The following PRIM2 variants were observed in gnomAD, a reference collection of about 807,000 sequenced individuals.
The protein encoded by PRIM2 is DNA primase large subunit.
A neutral mutation model predicts 67.3 loss-of-function variants in PRIM2; 39 were observed. That is an observed-to-expected ratio of 0.58 (90% CI 0.45 to 0.76). PRIM2 has a LOEUF of 0.76. Ranked by LOEUF, PRIM2 falls within the 30% of genes least tolerant of loss-of-function variation. PRIM2 has a pLI of 0.00. For missense variants in PRIM2, 398 were observed against 598.7 expected (o/e 0.66, Z 3.50); for synonymous variants, 143 against 198.7 (o/e 0.72, Z 2.36).
intron 7 of PRIM2, among the ~76,000 whole-genome samples, chr6:57,467,843 C>T (rs1247351314): frequency 6.6e-6 from 1 of 152,176 alleles, no homozygotes; most frequent in Non-Finnish European, 1.5e-5. Flanking sequence ...AGGTCCTTCA[C>T]ATTCCCTTGG....
chr6:57,244,335 GTC>G, the PRIM2 span, among the ~76,000 whole-genome samples: 1 of 152,142 alleles, frequency 6.6e-6, no homozygotes, highest in Non-Finnish European at 1.5e-5. Context: ...CTGGAATAAA[GTC>G]TCTTTCTTCC....
At chr6:57,284,422 T>TA in the PRIM2 span, among the ~76,000 whole-genome samples, 1 of 152,216 alleles carries the variant, frequency 6.6e-6, no homozygotes. Flanking sequence ...GTTCTGATCT[T>TA]AAACAGTTTT....
intron 12 of PRIM2, among the ~76,000 whole-genome samples, chr6:57,630,434 A>G (rs1288909204): frequency 6.6e-6 from 1 of 152,004 alleles, no homozygotes; most frequent in Non-Finnish European, 1.5e-5. Context: ...TTTGCAATAC[A>G]TCTGTTTTTC....
At chr6:57,251,606 T>A in the PRIM2 span, among the ~76,000 whole-genome samples, 1 of 152,326 alleles carries the variant, frequency 6.6e-6, no homozygotes, top group East Asian at 1.9e-4. Flanking sequence ...GTTATGTACA[T>A]CAAACATGGG....
At chr6:57,530,742 A>G (rs1311148025) in intron 8 of PRIM2, among the ~76,000 whole-genome samples, 8 of 149,738 alleles carry the variant, frequency 5.3e-5, no homozygotes, top group Admixed American at 5.3e-4. Flanking sequence ...ACAAGGTCTT[A>G]CTCTGTCACC....
intron 5 of PRIM2, among the ~76,000 whole-genome samples, chr6:57,378,978 G>A (rs1769867405): frequency 7.6e-6 from 1 of 131,446 alleles, no homozygotes; most frequent in Non-Finnish European, 1.6e-5. Flanking sequence ...TTTTATTTGT[G>A]TGCTTGTCCT....
the PRIM2 span, among the ~76,000 whole-genome samples, chr6:57,288,792 C>T: frequency 6.6e-6 from 1 of 152,208 alleles, no homozygotes; most frequent in Non-Finnish European, 1.5e-5. Flanking sequence ...AAAACCCCAT[C>T]TGTAGGTTAC....
At chr6:57,350,741 A>G (rs2127300586) in intron 5 of PRIM2, among the ~76,000 whole-genome samples, 1 of 152,212 alleles carries the variant, frequency 6.6e-6, no homozygotes, top group African/African-American at 2.4e-5. Flanking sequence ...TCCAGCTTGA[A>G]CACAGACATA....
At chr6:57,311,205 G>A (rs1287046031), upstream of PRIM2, among the ~76,000 whole-genome samples, 8 of 147,010 alleles carry the variant, frequency 5.4e-5, no homozygotes, top group Non-Finnish European at 9.0e-5. Flanking sequence ...CCTCCCAGAC[G>A]GGGCGGCCGG....
intron 5 of PRIM2, among the ~76,000 whole-genome samples, chr6:57,337,923 G>A (rs1307760348): frequency 1.3e-5 from 2 of 152,020 alleles, no homozygotes; most frequent in Non-Finnish European, 2.9e-5. Flanking sequence ...CCAGGAGCTG[G>A]TTTTTTGAAA....
At chr6:57,441,841 A>G (rs1041155672) in intron 7 of PRIM2, among the ~76,000 whole-genome samples, 1 of 152,156 alleles carries the variant, frequency 6.6e-6, no homozygotes, top group African/African-American at 2.4e-5. Flanking sequence ...AGTAAGTCTG[A>G]GACTTTAATC....
At chr6:57,420,640 T>C (rs1771433076) in intron 7 of PRIM2, among the ~76,000 whole-genome samples, 1 of 152,224 alleles carries the variant, frequency 6.6e-6, no homozygotes, top group South Asian at 2.1e-4. Flanking sequence ...GATTAGAAGA[T>C]AAGGCAGCAA....
At chr6:57,599,331 C>T (rs1261491663) in intron 10 of PRIM2, among the ~76,000 whole-genome samples, 1 of 147,726 alleles carries the variant, frequency 6.8e-6, no homozygotes, top group Non-Finnish European at 1.5e-5. Flanking sequence ...TTCCATAATA[C>T]CACACTTCCT....
chr6:57,546,170 T>C (rs1416969058), intron 10 of PRIM2, among the ~76,000 whole-genome samples: 1 of 152,246 alleles, frequency 6.6e-6, no homozygotes, highest in African/African-American at 2.4e-5. Context: ...ATGAGTAAAG[T>C]TTCCACTTGG....
intron 10 of PRIM2, among the ~76,000 whole-genome samples, chr6:57,544,289 G>C (rs1394805261): frequency 6.6e-6 from 1 of 152,062 alleles, no homozygotes; most frequent in Non-Finnish European, 1.5e-5. Context: ...CTCTCCAGCT[G>C]GAGGGGAGGT....
At chr6:57,532,124 T>C (rs1774904585) in intron 8 of PRIM2, among the ~76,000 whole-genome samples, 1 of 152,208 alleles carries the variant, frequency 6.6e-6, no homozygotes, top group Admixed American at 6.5e-5. Context: ...TGGTAGAGGT[T>C]TGAACTTTAA....
intron 8 of PRIM2, among the ~76,000 whole-genome samples, chr6:57,523,791 GT>G (rs1774680753): frequency 6.6e-6 from 1 of 151,932 alleles, no homozygotes; most frequent in African/African-American, 2.4e-5. Flanking sequence ...TCTGCTTTTT[GT>G]TTTCAACTCT....
At chr6:57,583,881 T>C (rs1239712045) in intron 10 of PRIM2, among the ~76,000 whole-genome samples, 2 of 152,392 alleles carry the variant, frequency 1.3e-5, no homozygotes, top group South Asian at 4.2e-4. Flanking sequence ...AACTATCCAC[T>C]TGACTTCTGG....
At chr6:57,561,512 C>T (rs1482378253) in intron 10 of PRIM2, among the ~76,000 whole-genome samples, 32 of 152,188 alleles carry the variant, frequency 2.1e-4, no homozygotes, top group African/African-American at 6.8e-4. Flanking sequence ...GGATCACAGG[C>T]GTGAGCCACT....
Sources: gnomAD v4.1 joint callset for allele counts (sites outside exome capture counted in the v4.1 genomes callset) on GRCh38, gnomAD v4.1.1 for gene constraint, MANE v1.5 for transcripts, NCBI Gene and HGNC (gene_info 2026-07-23, HGNC 2026-07-21) for gene names.